Variants in KHDRBS3 observed in about 807,000 individuals in gnomAD.
KHDRBS3 encodes KH RNA binding domain containing, signal transduction associated 3.
In KHDRBS3, 23 loss-of-function variants were observed where a neutral mutation model predicts 45.6. The observed-to-expected ratio is 0.50, with a 90% confidence interval of 0.36 to 0.72. KHDRBS3 has a LOEUF of 0.72. Among genes scored for constraint, KHDRBS3 ranks in the 30% least tolerant of loss-of-function variants. The pLI, the probability that KHDRBS3 is intolerant of heterozygous loss-of-function variation, is 0.00. For synonymous variants in KHDRBS3, 162 were observed against 156.5 expected, an observed-to-expected ratio of 1.04 and a Z score of -0.26; for missense variants, 352 against 424.8, an observed-to-expected ratio of 0.83 and a Z score of 1.51.
chr8:135,592,808 A>T (rs1035004009), intron 6 of KHDRBS3, among the ~76,000 whole-genome samples: 1 of 152,154 alleles, frequency 6.6e-6, no homozygotes, highest in Non-Finnish European at 1.5e-5. Context: ...TGCAGAAATG[A>T]CTAGATAGTC....
At chr8:135,481,319 A>G (rs893301776) in intron 1 of KHDRBS3, among the ~76,000 whole-genome samples, 5 of 145,788 alleles carry the variant, frequency 3.4e-5, no homozygotes, top group Non-Finnish European at 7.5e-5. Context: ...TTATGTGCAT[A>G]TCAACTCATA....
intron 5 of KHDRBS3, among the ~76,000 whole-genome samples, chr8:135,565,507 G>T (rs1329615867): frequency 1.3e-5 from 2 of 152,170 alleles, no homozygotes; most frequent in Admixed American, 1.3e-4. Context: ...TAAGCAGATA[G>T]CTTGATTGAA....
intron 7 of KHDRBS3, among the ~76,000 whole-genome samples, chr8:135,637,611 C>A (rs1830871874): frequency 6.6e-6 from 1 of 152,150 alleles, no homozygotes; most frequent in Non-Finnish European, 1.5e-5. Flanking sequence ...CGCCCACCCC[C>A]ACAAACTGTC....
intron 1 of KHDRBS3, among the ~76,000 whole-genome samples, chr8:135,473,853 G>GC (rs111623480): frequency 1.2e-4 from 19 of 152,158 alleles, no homozygotes; most frequent in African/African-American, 3.9e-4. Flanking sequence ...CTTGCTTACT[G>GC]AAGGAAGCCC....
intron 1 of KHDRBS3, among the ~76,000 whole-genome samples, chr8:135,516,640 A>G (rs1231880342): frequency 1.3e-5 from 2 of 151,712 alleles, no homozygotes; most frequent in South Asian, 2.1e-4. Flanking sequence ...CTATCAGAAC[A>G]TGAAGTTTCC....
intron 1 of KHDRBS3, among the ~76,000 whole-genome samples, chr8:135,510,435 G>GT (rs1248690941): frequency 2.0e-5 from 3 of 152,130 alleles, no homozygotes; most frequent in African/African-American, 4.8e-5. Flanking sequence ...TTAGAGGATA[G>GT]TTGATGGTGC....
At chr8:135,656,202 A>G (rs1164210295) in intron 4 of KHDRBS3, 1 of 152,208 alleles carries the variant, frequency 6.6e-6, no homozygotes, top group Non-Finnish European at 1.5e-5. Context: ...ATATACAAAT[A>G]TATTTCATTT....
At chr8:135,627,212 C>T (rs1431171207) in intron 7 of KHDRBS3, among the ~76,000 whole-genome samples, 2 of 152,162 alleles carry the variant, frequency 1.3e-5, no homozygotes, top group Non-Finnish European at 2.9e-5. Context: ...ACTAAGAATC[C>T]AGACTGCTTC....
intron 1 of KHDRBS3, among the ~76,000 whole-genome samples, chr8:135,481,095 A>T (rs191655360): frequency 1.3e-5 from 2 of 151,878 alleles, no homozygotes; most frequent in Admixed American, 6.6e-5. Flanking sequence ...ATCAGATTAG[A>T]TCTTCAAGAT....
chr8:135,462,278 T>C (rs1821470596), intron 1 of KHDRBS3, among the ~76,000 whole-genome samples: 1 of 151,850 alleles, frequency 6.6e-6, no homozygotes, highest in Non-Finnish European at 1.5e-5. Flanking sequence ...CTCACAGTGT[T>C]AGATATGCCA....
At chr8:135,577,161 C>CTCCAA (rs1227074630) in intron 5 of KHDRBS3, among the ~76,000 whole-genome samples, 8 of 151,228 alleles carry the variant, frequency 5.3e-5, no homozygotes. Flanking sequence ...GTTTACTTTT[C>CTCCAA]TCCAATCCCT....
intron 8 of KHDRBS3, among the ~76,000 whole-genome samples, chr8:135,645,532 A>T (rs527724992): frequency 3.9e-5 from 6 of 152,202 alleles, no homozygotes; most frequent in East Asian, 1.9e-4. Context: ...TTCATTTCCA[A>T]TCTCAAACCC....
intron 1 of KHDRBS3, among the ~76,000 whole-genome samples, chr8:135,478,271 C>T (rs1822394871): frequency 6.6e-6 from 1 of 152,148 alleles, no homozygotes; most frequent in African/African-American, 2.4e-5. Context: ...ATAATAAATA[C>T]ATTTTTGTTA....
At chr8:135,464,166 T>G (rs1374558544) in intron 1 of KHDRBS3, among the ~76,000 whole-genome samples, 1 of 152,160 alleles carries the variant, frequency 6.6e-6, no homozygotes, top group Admixed American at 6.5e-5. Flanking sequence ...GAACTCAACA[T>G]TGTTGTTTTT....
chr8:135,611,547 C>T (rs1251192400), intron 7 of KHDRBS3, among the ~76,000 whole-genome samples: 2 of 151,824 alleles, frequency 1.3e-5, no homozygotes, highest in East Asian at 3.9e-4. Flanking sequence ...TTCTTAAGTC[C>T]TCTCTCCCGG....
intron 1 of KHDRBS3, among the ~76,000 whole-genome samples, chr8:135,492,449 A>G (rs898809933): frequency 2.0e-5 from 3 of 151,702 alleles, no homozygotes; most frequent in Non-Finnish European, 4.4e-5. Context: ...ATTGAGATAT[A>G]TGTTCTACTT....
At chr8:135,509,974 C>CTTTTTTT (rs1237666093) in intron 1 of KHDRBS3, among the ~76,000 whole-genome samples, 1 of 122,942 alleles carries the variant, frequency 8.1e-6, no homozygotes, top group African/African-American at 3.4e-5. Context: ...TTCCCCCCCC[C>CTTTTTTT]TTTTTTTTTT....
chr8:135,519,367 A>G (rs768391527), intron 1 of KHDRBS3, among the ~76,000 whole-genome samples: 12 of 152,096 alleles, frequency 7.9e-5, no homozygotes, highest in Non-Finnish European at 2.9e-5. Flanking sequence ...ATCCCACAAG[A>G]CTGCTGACAC....
At chr8:135,645,992 ATTTTTTTTTTTTTTTT>A (rs57082119) in intron 8 of KHDRBS3, among the ~76,000 whole-genome samples, 1 of 100,688 alleles carries the variant, frequency 9.9e-6, no homozygotes. Flanking sequence ...TGCACCTTGG[ATTTTTTTTTTTTTTTT>A]TTTTTTTTTT....
Sources: gnomAD v4.1 joint callset for allele counts (sites outside exome capture counted in the v4.1 genomes callset) on GRCh38, gnomAD v4.1.1 for gene constraint, MANE v1.5 for transcripts, NCBI Gene and HGNC (gene_info 2026-07-23, HGNC 2026-07-21) for gene names.